The following HIPK2 variants were observed in gnomAD, a reference collection of about 807,000 sequenced individuals.
HIPK2 encodes homeodomain interacting protein kinase 2.
A neutral mutation model predicts 113.7 loss-of-function variants in HIPK2; 27 were observed. That is an observed-to-expected ratio of 0.24 (90% CI 0.17 to 0.33). HIPK2 has a LOEUF of 0.33. HIPK2 is among the 10% of genes least tolerant of loss of function. The pLI is 1.00. For missense variants in HIPK2, 1,257 were observed against 1,588.0 expected (o/e 0.79, Z 3.54); for synonymous variants, 631 against 642.2 (o/e 0.98, Z 0.26).
chr7:139,668,933 T>C (rs550759825), intron 2 of HIPK2, among the ~76,000 whole-genome samples: 1 of 152,318 alleles, frequency 6.6e-6, no homozygotes, highest in East Asian at 1.9e-4. Flanking sequence ...CTTTCAAATG[T>C]CAAGATATTC....
At chr7:139,734,148 A>C (rs1282910975) in intron 1 of HIPK2, among the ~76,000 whole-genome samples, 1 of 152,218 alleles carries the variant, frequency 6.6e-6, no homozygotes, top group African/African-American at 2.4e-5. Context: ...ACGTTTTTAA[A>C]GACAACGTTA....
intron 7 of HIPK2, 95 bp downstream of exon 7, chr7:139,620,306 G>A (rs1040019878): frequency 2.0e-6 from 3 of 1,508,756 alleles, no homozygotes; most frequent in Non-Finnish European, 2.7e-6. Context: ...ATGACAGCAG[G>A]AATTTTGCCT....
At chr7:139,764,557 G>A (rs1184447168) in intron 1 of HIPK2, among the ~76,000 whole-genome samples, 1 of 152,234 alleles carries the variant, frequency 6.6e-6, no homozygotes, top group Non-Finnish European at 1.5e-5. Flanking sequence ...TCAGGGGGTT[G>A]ACCAAGATGT....
In HIPK2 at chr7:139,631,754, A is replaced by G. The variant is rs757420230; in HGVS notation, c.1104-29T>C. 3.1e-6 allele frequency: 5 copies of G among 1,601,134 alleles called. No homozygotes were observed. Among genetic ancestry groups the G allele is most frequent in the Non-Finnish European group, 4.3e-6 (5 of 1,174,048 alleles). ...AAAAGGAAGAATGGAAGAAACCATT[A>G]GCAAGTTGGAAATGCAGGAAGCTGT... is the stretch of plus-strand genomic sequence containing the variant. On this transcript the variant is annotated intron_variant, in intron 2 of 14. Transcript: ENST00000406875. This position sits in a 1 kb window ranked among gnomAD's most constrained non-coding sequence, Gnocchi z 4.9.
At chr7:139,638,759 G>A (rs924007338) in intron 2 of HIPK2, among the ~76,000 whole-genome samples, 4 of 149,496 alleles carry the variant, frequency 2.7e-5, no homozygotes, top group Admixed American at 6.8e-5. Context: ...CCGGGTTCAC[G>A]CCATTCTCCT....
intron 12 of HIPK2, among the ~76,000 whole-genome samples, chr7:139,590,929 C>T (rs550996221): frequency 8.5e-5 from 13 of 152,296 alleles, no homozygotes; most frequent in African/African-American, 4.8e-5. Flanking sequence ...ATTGCAGCCT[C>T]GAACTCCTGG....
chr7:139,634,674 G>GTTTT lies in HIPK2; in HGVS notation c.1104-2953_1104-2950dup, dbSNP rs1181829827. Among the ~76,000 whole-genome samples the GTTTT allele has an allele frequency of 6.1e-3, 698 of 113,574 alleles. 85 individuals carry two copies. The highest frequency in any genetic ancestry group is 0.026 in the African/African-American group (655 of 24,822). 74.5% of individuals were successfully genotyped at this position (113,574 alleles called of 152,430 possible). A position where few individuals can be genotyped will look rare whatever the true frequency, so the allele number is the denominator to read the frequency against. On this transcript the variant is annotated intron_variant, in intron 2 of 14. Transcript: ENST00000406875. Reference sequence around the variant, plus strand: ...AAAAAGAAGGGACTATCTGTTTCAGGTTTTTTTTTTTTTTTTTTTTTGAGA... The same window carrying GTTTT: ...AAAAAGAAGGGACTATCTGTTTCAGGTTTTTTTTTTTTTTTTTTTTTTTTTGAGA...
In HIPK2 at chr7:139,567,059, A is replaced by T. The variant is rs1798114407; in HGVS notation, c.*5868T>A. ...CCCTCTAGTGAGCCACGGTGCCAAA[A>T]GCCTCCAATAGGTTTTTTTTGCATT... On this transcript the variant is annotated 3_prime_UTR_variant, in exon 15 of 15. Coordinates refer to ENST00000406875, the MANE Select transcript of HIPK2 (RefSeq NM_022740.5). The T allele has an allele frequency of 6.6e-6, 1 of 152,204 alleles. No individual in the cohort carries two copies. The highest frequency in any genetic ancestry group is 1.5e-5 in the Non-Finnish European group (1 of 68,058). 9.4% of individuals were successfully genotyped at this position (152,204 alleles called of 1,614,324 possible). A position where few individuals can be genotyped will look rare whatever the true frequency, so the allele number is the denominator to read the frequency against.
intron 1 of HIPK2, among the ~76,000 whole-genome samples, chr7:139,775,492 T>G (rs1003507895): frequency 2.0e-5 from 3 of 151,826 alleles, no homozygotes; most frequent in African/African-American, 7.3e-5. Context: ...GAAAAATAAT[T>G]ATAAAGGTGC....
chr7:139,561,693 G>GA lies in HIPK2; in HGVS notation c.*11233dup, dbSNP rs1299866912. On this transcript the variant is annotated 3_prime_UTR_variant, in exon 15 of 15. Transcript: ENST00000406875. ...AATAAGTCATTTCACCTCGGAGACC[G>GA]AAAAAATGATCAAAAAGAAACTATG... is the stretch of plus-strand genomic sequence containing the variant. 4 of 151,732 alleles carry GA rather than the reference G, an allele frequency of 2.6e-5. No homozygotes were observed. The South Asian group carries it at 6.2e-4, about 24-fold the overall frequency. The allele number at this position is 151,732 out of a possible 1,614,324, so 9.4% of individuals were successfully genotyped here.
chr7:139,687,000 A>T (rs1308128805), intron 2 of HIPK2, among the ~76,000 whole-genome samples: 4 of 152,250 alleles, frequency 2.6e-5, no homozygotes, highest in Non-Finnish European at 2.9e-5. Flanking sequence ...TCAGTCAGCA[A>T]CGATTGACAT....
At chr7:139,665,386 C>T (rs2116588101) in intron 2 of HIPK2, among the ~76,000 whole-genome samples, 2 of 152,260 alleles carry the variant, frequency 1.3e-5, no homozygotes, top group Middle Eastern at 6.8e-3. Context: ...GATCCCAACC[C>T]TTCTTCTTTT....
At chr7:139,577,569 A>T (rs1798534029) in intron 13 of HIPK2, among the ~76,000 whole-genome samples, 1 of 152,252 alleles carries the variant, frequency 6.6e-6, no homozygotes. Flanking sequence ...AGAGGGGTTT[A>T]GTAAGTGAAG....
rs1799906502 is a variant in HIPK2, at chr7:139,613,360, G to A, written c.1991-37C>T. 1 of 1,608,394 alleles carries A rather than the reference G, an allele frequency of 6.2e-7. No homozygotes were observed. Among genetic ancestry groups the A allele is most frequent in the Non-Finnish European group, 8.5e-7 (1 of 1,177,286 alleles). On this transcript the variant is annotated intron_variant, in intron 8 of 14. Transcript: ENST00000406875. This position sits in a 1 kb window ranked among gnomAD's most constrained non-coding sequence, Gnocchi z 4.2. ...AGTGTGAGGGAGAGAAGGGTTAGCT[G>A]AGACGCTGTGAACAGCTGGATGAAA...
chr7:139,685,038 A>G (rs1225908984), intron 2 of HIPK2, among the ~76,000 whole-genome samples: 1 of 152,238 alleles, frequency 6.6e-6, no homozygotes, highest in Non-Finnish European at 1.5e-5. Context: ...TTGGTTCATA[A>G]GGTTTAAGGA....
intron 5 of HIPK2, 103 bp downstream of exon 5, chr7:139,628,850 G>T: frequency 1.0e-6 from 1 of 969,442 alleles, no homozygotes; most frequent in South Asian, 1.6e-5. Flanking sequence ...CACTGCAGTT[G>T]AATAATGTGG....
intron 2 of HIPK2, among the ~76,000 whole-genome samples, chr7:139,713,917 C>T (rs1301374306): frequency 6.6e-6 from 1 of 152,224 alleles, no homozygotes; most frequent in Non-Finnish European, 1.5e-5. Flanking sequence ...CGGTACCGGG[C>T]ACCCAACCCT....
chr7:139,661,726 C>G (rs1263269673), intron 2 of HIPK2, among the ~76,000 whole-genome samples: 1 of 152,148 alleles, frequency 6.6e-6, no homozygotes, highest in African/African-American at 2.4e-5. Context: ...AAAAAAATCT[C>G]ATATGTTTTA....
At chr7:139,574,794 G>A (rs973184935) in intron 14 of HIPK2, among the ~76,000 whole-genome samples, 5 of 152,232 alleles carry the variant, frequency 3.3e-5, no homozygotes, top group Non-Finnish European at 7.3e-5. Flanking sequence ...CGACAGGGCC[G>A]GGACACAGTG....
Sources: allele counts gnomAD v4.1 joint callset (sites outside exome capture counted in the v4.1 genomes callset), GRCh38; gene constraint gnomAD v4.1.1; non-coding constraint Gnocchi (gnomAD v3.1); transcripts MANE v1.5; gene names NCBI Gene and HGNC (gene_info 2026-07-23, HGNC 2026-07-21).